Variants in COP1 observed in about 807,000 individuals in gnomAD.
The protein encoded by COP1 is E3 ubiquitin-protein ligase COP1.
Under a neutral mutation model 101.3 loss-of-function variants are expected in COP1, and 24 were observed. That is an observed-to-expected ratio of 0.24 (90% CI 0.17 to 0.33). The LOEUF is 0.33. COP1 is among the 10% of genes least tolerant of loss of function. The pLI, the probability that COP1 is intolerant of heterozygous loss-of-function variation, is 1.00. For missense variants in COP1, 663 were observed against 906.2 expected (o/e 0.73, Z 3.45); for synonymous variants, 347 against 341.9 (o/e 1.01, Z -0.17).
At chr1:176,022,356 T>C (rs1350323736) in intron 15 of COP1, among the ~76,000 whole-genome samples, 4 of 152,160 alleles carry the variant, frequency 2.6e-5, no homozygotes, top group African/African-American at 9.7e-5. Context: ...GTAGCTCATA[T>C]ACTAATTTTC....
At chr1:176,008,021 G>C (rs560402853) in intron 15 of COP1, among the ~76,000 whole-genome samples, 56 of 152,322 alleles carry the variant, frequency 3.7e-4, no homozygotes, top group African/African-American at 1.3e-3. Context: ...GACCCTCGGA[G>C]CCAGGTGCGG....
intron 9 of COP1, among the ~76,000 whole-genome samples, chr1:176,098,893 A>G (rs1682887036): frequency 6.6e-6 from 1 of 152,210 alleles, no homozygotes; most frequent in African/African-American, 2.4e-5. Flanking sequence ...TATCCAAATG[A>G]GGGGTAAACA....
intron 1 of COP1, among the ~76,000 whole-genome samples, chr1:176,198,537 A>T (rs988269477): frequency 6.6e-6 from 1 of 152,180 alleles, no homozygotes; most frequent in Non-Finnish European, 1.5e-5. Flanking sequence ...TTCTAATTTC[A>T]TGTTAGATAA....
At chr1:175,992,877 T>C (rs567781063) in intron 15 of COP1, among the ~76,000 whole-genome samples, 2 of 152,284 alleles carry the variant, frequency 1.3e-5, no homozygotes, top group South Asian at 4.1e-4. Flanking sequence ...TCTGACAGCT[T>C]TGAAGAGAGC....
chr1:176,062,503 A>G (rs1453229876), intron 11 of COP1, among the ~76,000 whole-genome samples: 1 of 152,230 alleles, frequency 6.6e-6, no homozygotes, highest in East Asian at 1.9e-4. Flanking sequence ...ATTGCTGAGG[A>G]TTTAGAACTG....
At chr1:175,954,077 C>T (rs777530007) in intron 18 of COP1, among the ~76,000 whole-genome samples, 5 of 151,976 alleles carry the variant, frequency 3.3e-5, no homozygotes, top group Admixed American at 6.6e-5. Flanking sequence ...ATTTAAAGGG[C>T]TAAAATCATA....
At chr1:176,205,481 T>A (rs1186777572) in intron 1 of COP1, among the ~76,000 whole-genome samples, 1 of 152,170 alleles carries the variant, frequency 6.6e-6, no homozygotes, top group African/African-American at 2.4e-5. Flanking sequence ...ACTCAGACCA[T>A]CTTCAACCCT....
intron 15 of COP1, among the ~76,000 whole-genome samples, chr1:176,018,041 G>T (rs1189273911): frequency 2.0e-5 from 3 of 152,164 alleles, no homozygotes; most frequent in Non-Finnish European, 4.4e-5. Flanking sequence ...CTTTGTTCAT[G>T]ATTTGAGGAG....
intron 15 of COP1, among the ~76,000 whole-genome samples, chr1:176,013,702 A>C (rs1474530098): frequency 6.6e-6 from 1 of 152,214 alleles, no homozygotes; most frequent in East Asian, 1.9e-4. Flanking sequence ...TGTTTCATAT[A>C]TTATTTATAC....
intron 15 of COP1, among the ~76,000 whole-genome samples, chr1:176,003,210 T>C (rs1662207451): frequency 6.6e-6 from 1 of 152,214 alleles, no homozygotes. Context: ...GGTTGTTTTC[T>C]TGTAAATTTG....
At chr1:176,176,550 G>A (rs1395806506) in intron 2 of COP1, among the ~76,000 whole-genome samples, 2 of 152,096 alleles carry the variant, frequency 1.3e-5, no homozygotes, top group South Asian at 2.1e-4. Flanking sequence ...AAGGCACAAC[G>A]GCTCATGCCT....
At chr1:176,041,649 G>A (rs751377105) in intron 14 of COP1, among the ~76,000 whole-genome samples, 16 of 151,846 alleles carry the variant, frequency 1.1e-4, no homozygotes, top group Admixed American at 5.3e-4. Flanking sequence ...TACCACGCCC[G>A]GCCCCTGCTT....
chr1:176,011,349 A>G (rs921142121), intron 15 of COP1, among the ~76,000 whole-genome samples: 2 of 152,348 alleles, frequency 1.3e-5, no homozygotes, highest in African/African-American at 4.8e-5. Context: ...GAAAATAACT[A>G]AACCAATGAA....
Position 176,081,107 on chromosome 1 carries a change from C to G in COP1, c.1277+45G>C, listed in dbSNP as rs1440700438. On this transcript the variant is annotated intron_variant, in intron 11 of 19. Coordinates refer to ENST00000367669, the MANE Select transcript of COP1 (RefSeq NM_022457.7). ...AGTGCTTCTCAAATTCAATTAGATT[C>G]TAGACATTCTTACAAAAGAAAATAG... 3.4e-6 allele frequency: 5 copies of G among 1,489,148 alleles called. No homozygotes were observed. In the Admixed American group the frequency reaches 9.5e-5, roughly 28 times the overall value. The allele number at this position is 1,489,148 out of a possible 1,614,324, so 92.2% of individuals were successfully genotyped here.
intron 15 of COP1, among the ~76,000 whole-genome samples, chr1:176,005,137 T>C (rs552783710): frequency 9.6e-4 from 146 of 152,296 alleles, no homozygotes; most frequent in African/African-American, 3.4e-3. Flanking sequence ...AGTTTATTTG[T>C]GTAGAGGTGT....
At chr1:176,001,056 T>A (rs1300489638) in intron 15 of COP1, among the ~76,000 whole-genome samples, 1 of 152,080 alleles carries the variant, frequency 6.6e-6, no homozygotes, top group Non-Finnish European at 1.5e-5. Flanking sequence ...ACTATTTTAG[T>A]CAATTGTCTT....
At chr1:175,984,852 T>G (rs1656731957) in intron 18 of COP1, among the ~76,000 whole-genome samples, 1 of 152,198 alleles carries the variant, frequency 6.6e-6, no homozygotes, top group South Asian at 2.1e-4. Flanking sequence ...ACATGGGGCC[T>G]GTAGTTTTGT....
intron 14 of COP1, among the ~76,000 whole-genome samples, chr1:176,035,872 C>T (rs1258390045): frequency 6.6e-6 from 1 of 151,882 alleles, no homozygotes; most frequent in African/African-American, 2.4e-5. Flanking sequence ...TATTCTGGAC[C>T]ATAAAACAAA....
rs148474848 is a variant in COP1 at position 176,194,406 on chromosome 1, G to A, written c.408-9714C>T. 2.9e-3 allele frequency among the ~76,000 whole-genome samples: 445 copies of A among 152,250 alleles called. 3 individuals are homozygous for A. Among genetic ancestry groups the A allele is most frequent in the African/African-American group, 9.2e-3 (382 of 41,550 alleles). ...TCTAATCCCAGCACTTTGGGAGGCCGAGGCAGGCGGATCACAAAGTCAGGA... is the reference window on the plus strand; with the variant it reads ...TCTAATCCCAGCACTTTGGGAGGCCAAGGCAGGCGGATCACAAAGTCAGGA... On this transcript the variant is annotated intron_variant, in intron 1 of 19. Coordinates refer to ENST00000367669, the MANE Select transcript of COP1 (RefSeq NM_022457.7).
Sources: allele counts gnomAD v4.1 joint callset (sites outside exome capture counted in the v4.1 genomes callset), GRCh38; gene constraint gnomAD v4.1.1; transcripts MANE v1.5; gene names NCBI Gene and HGNC (gene_info 2026-07-23, HGNC 2026-07-21).